The following DCDC1 variants were observed in gnomAD, a reference collection of about 807,000 sequenced individuals.
DCDC1 encodes the protein doublecortin domain containing 1.
In DCDC1, 200 loss-of-function variants were observed where a neutral mutation model predicts 178.3. The observed-to-expected ratio is 1.12, with a 90% confidence interval of 1.00 to 1.26. The LOEUF is 1.26. DCDC1 is among the 50% of genes most tolerant of loss of function. The probability of loss-of-function intolerance (pLI) is 0.00; values close to 1 mark genes in which losing one functional copy is unlikely to be tolerated. For missense variants in DCDC1, 1,983 were observed against 1,749.2 expected, an observed-to-expected ratio of 1.13 and a Z score of -2.38; for synonymous variants, 690 against 604.8, an observed-to-expected ratio of 1.14 and a Z score of -2.07.
intron 21 of DCDC1, among the ~76,000 whole-genome samples, chr11:30,947,254 T>G (rs1406344329): frequency 6.6e-6 from 1 of 152,178 alleles, no homozygotes; most frequent in East Asian, 1.9e-4. Flanking sequence ...AAATAAGGTC[T>G]TGTGTGCACC....
chr11:31,015,492 CT>C (rs1233213696), intron 20 of DCDC1, among the ~76,000 whole-genome samples: 2 of 152,078 alleles, frequency 1.3e-5, no homozygotes, highest in East Asian at 3.9e-4. Context: ...TCTTGTTGAT[CT>C]TCTCTCCACC....
At chr11:31,142,807 A>C (rs1963989335) in intron 9 of DCDC1, among the ~76,000 whole-genome samples, 1 of 152,132 alleles carries the variant, frequency 6.6e-6, no homozygotes. Flanking sequence ...TTCCAGGTTT[A>C]TAATTAAGCT....
intron 9 of DCDC1, among the ~76,000 whole-genome samples, chr11:31,144,896 T>C (rs1336286884): frequency 6.6e-6 from 1 of 152,120 alleles, no homozygotes; most frequent in Admixed American, 6.5e-5. Context: ...GAGGTATAGT[T>C]CCAGACATTC....
rs191502860 is a variant in DCDC1, at chr11:31,037,745, G to A, written c.2591+26724C>T. ...CCCAAAGTGCTGGGATTACAGGCGTGAGCCACTGCGCCTGGCCTAAATATT... is the reference window on the plus strand; with the variant it reads ...CCCAAAGTGCTGGGATTACAGGCGTAAGCCACTGCGCCTGGCCTAAATATT... On this transcript the variant is annotated intron_variant, in intron 20 of 38. Transcript: ENST00000684477. 4.6e-5 allele frequency among the ~76,000 whole-genome samples: 7 copies of A among 152,216 alleles called. No individual in the cohort carries two copies. The East Asian group carries it at 9.7e-4, about 21-fold the overall frequency.
chr11:31,280,391 T>C (rs554669537), intron 7 of DCDC1, among the ~76,000 whole-genome samples: 9 of 152,294 alleles, frequency 5.9e-5, no homozygotes, highest in Non-Finnish European at 1.0e-4. Context: ...ACCATCTTTG[T>C]GAAAAGGTGA....
chr11:31,008,757 T>A (rs1951999031), intron 20 of DCDC1, among the ~76,000 whole-genome samples: 1 of 152,228 alleles, frequency 6.6e-6, no homozygotes, highest in Non-Finnish European at 1.5e-5. Context: ...TCATGAACTG[T>A]ATTGCCTGTC....
chr11:31,077,738 T>G, intron 18 of DCDC1, 127 bp downstream of exon 18: 1 of 461,690 alleles, frequency 2.2e-6, no homozygotes. Context: ...TCTAAATTTC[T>G]AGGTACAGAG....
intron 34 of DCDC1, among the ~76,000 whole-genome samples, chr11:30,897,499 C>A (rs1944321613): frequency 1.4e-5 from 2 of 140,638 alleles, no homozygotes; most frequent in Admixed American, 7.8e-5. Flanking sequence ...AGGAGAATGG[C>A]GTGAACCCGG....
intron 6 of DCDC1, among the ~76,000 whole-genome samples, chr11:31,304,340 TAA>T (rs1948316220): frequency 6.6e-6 from 1 of 152,180 alleles, no homozygotes; most frequent in South Asian, 2.1e-4. Flanking sequence ...CTGAATTTTT[TAA>T]AGTCACAGAA....
chr11:31,350,707 T>A (rs1951027416), intron 1 of DCDC1, among the ~76,000 whole-genome samples: 2 of 152,168 alleles, frequency 1.3e-5, no homozygotes, highest in Admixed American at 1.3e-4. Context: ...TTGCAGCTTG[T>A]CTTAACAGGT....
chr11:31,205,514 TTGTC>T (rs1308609624), intron 9 of DCDC1, among the ~76,000 whole-genome samples: 2 of 152,188 alleles, frequency 1.3e-5, no homozygotes, highest in Non-Finnish European at 2.9e-5. Context: ...GAAAGGTACT[TTGTC>T]TGCTTCTTTT....
chr11:31,294,799 AAAGAAAGAAAGAAAGAAAG>A (rs1947525264), intron 6 of DCDC1, among the ~76,000 whole-genome samples: 2 of 4,084 alleles, frequency 4.9e-4, no homozygotes, highest in Admixed American at 2.7e-3. Flanking sequence ...AAATAAAGAA[AAAGAAAGAAAGAAAGAAAG>A]AAAGAAAGAA....
At chr11:31,292,412 C>T (rs1056373199) in intron 6 of DCDC1, among the ~76,000 whole-genome samples, 2 of 151,996 alleles carry the variant, frequency 1.3e-5, no homozygotes, top group African/African-American at 4.8e-5. Flanking sequence ...ATGTATAACA[C>T]AGATGGAATA....
chr11:30,936,327 C>T lies in DCDC1; in HGVS notation c.2716-4375G>A, dbSNP rs182238228. On this transcript the variant is annotated intron_variant, in intron 21 of 38. Coordinates refer to ENST00000684477, the MANE Select transcript of DCDC1 (RefSeq NM_001387274.1). ...GGGGCTGTCCTAATCCTAATGAGTG[C>T]TAATGGGAGACATTTGGTTCAAAGC... is the stretch of plus-strand genomic sequence containing the variant. Among the ~76,000 whole-genome samples, 116 of 152,280 alleles carry T rather than the reference C, an allele frequency of 7.6e-4. 1 individual carries two copies. The highest frequency in any genetic ancestry group is 5.9e-3 in the Admixed American group (90 of 15,292).
intron 29 of DCDC1, 146 bp from the exon 30 acceptor site, chr11:30,906,871 A>G (rs1945101409): frequency 2.5e-6 from 2 of 810,618 alleles, no homozygotes; most frequent in African/African-American, 3.4e-5. Flanking sequence ...ATTTAGCATA[A>G]ATTTAGCCAA....
chr11:31,109,132 T>G (rs1482101119), intron 12 of DCDC1, among the ~76,000 whole-genome samples: 2 of 151,750 alleles, frequency 1.3e-5, no homozygotes, highest in Non-Finnish European at 2.9e-5. Flanking sequence ...TTTTTTTTTT[T>G]TTTTGAGACA....
chr11:31,225,405 A>G (rs1236014537), intron 9 of DCDC1, among the ~76,000 whole-genome samples: 1 of 151,858 alleles, frequency 6.6e-6, no homozygotes, highest in Non-Finnish European at 1.5e-5. Context: ...AAAAGACTAC[A>G]TATTGGGTAC....
At chr11:30,993,689 G>A (rs185892169) in intron 20 of DCDC1, among the ~76,000 whole-genome samples, 87 of 152,080 alleles carry the variant, frequency 5.7e-4, no homozygotes, top group Admixed American at 3.7e-3. Flanking sequence ...ACAACTCTAT[G>A]CCCATATATA....
At chr11:31,009,667 C>T (rs1952057164) in intron 20 of DCDC1, among the ~76,000 whole-genome samples, 1 of 152,112 alleles carries the variant, frequency 6.6e-6, no homozygotes, top group Admixed American at 6.6e-5. Context: ...AAATTCCCCT[C>T]TCCTCTGCTT....
Sources: allele counts gnomAD v4.1 joint callset (sites outside exome capture counted in the v4.1 genomes callset), GRCh38; gene constraint gnomAD v4.1.1; transcripts MANE v1.5; gene names NCBI Gene and HGNC (gene_info 2026-07-23, HGNC 2026-07-21).